The following VOPP1 variants were observed in gnomAD, a reference collection of about 807,000 sequenced individuals.
The protein encoded by VOPP1 is VOPP1 WW domain binding protein.
VOPP1 carries 8 observed loss-of-function variants against 23.5 expected under a neutral mutation model. That is an observed-to-expected ratio of 0.34 (90% confidence interval 0.20 to 0.61). The LOEUF (loss-of-function observed/expected upper bound fraction) is 0.61, where lower values mean the gene tolerates loss of function less well. Among genes scored for constraint, VOPP1 ranks in the 20% least tolerant of loss-of-function variants. The pLI, the probability that VOPP1 is intolerant of heterozygous loss-of-function variation, is 0.78. For missense variants in VOPP1, 174 were observed against 238.1 expected (o/e 0.73, Z 1.77); for synonymous variants, 83 against 97.3 (o/e 0.85, Z 0.86).
Position 55,525,367 on chromosome 7 carries a change from T to C in VOPP1, c.55-4237A>G, listed in dbSNP as rs993942419. ...AGCCGGGCGTGGTGGTGGGCGCCTG[T>C]AGTCCCAGCTACTCAGGAGACTGAG... On this transcript the variant is annotated intron_variant, in intron 1 of 4. Transcript: ENST00000285279. 2.2e-4 allele frequency among the ~76,000 whole-genome samples: 33 copies of C among 151,984 alleles called. No individual in the cohort carries two copies. In the East Asian group the frequency reaches 5.3e-3, roughly 24 times the overall value.
chr7:55,456,032 G>A (rs572626900), intron 4 of VOPP1, among the ~76,000 whole-genome samples: 2 of 152,070 alleles, frequency 1.3e-5, no homozygotes, highest in South Asian at 4.2e-4. Flanking sequence ...CAGAACGGGA[G>A]AAAATTTTTA....
At chr7:55,492,131 G>T in intron 4 of VOPP1, 151 bp downstream of exon 4, 1 of 1,129,828 alleles carries the variant, frequency 8.9e-7, no homozygotes, top group Non-Finnish European at 1.2e-6. Flanking sequence ...CTGCACAAAT[G>T]CACAATGGAG....
intron 4 of VOPP1, among the ~76,000 whole-genome samples, chr7:55,436,653 T>C (rs964029336): frequency 1.4e-5 from 2 of 140,104 alleles, no homozygotes; most frequent in South Asian, 2.2e-4. Context: ...TGCGTGGGTG[T>C]GTGTGCGTGT....
chr7:55,504,177 A>G lies in VOPP1; in HGVS notation c.114-6487T>C, dbSNP rs1367391508. Among the ~76,000 whole-genome samples the G allele has an allele frequency of 5.3e-5, 8 of 152,076 alleles. No individual in the cohort carries two copies. The South Asian group carries it at 1.7e-3, about 32-fold the overall frequency. ...TCTCCCATCCAGTCCCAGTCTCTCA[A>G]TTTGACAGCTGGTCTGTTCTCCTCA... On this transcript the variant is annotated intron_variant, in intron 2 of 4. Coordinates refer to ENST00000285279, the MANE Select transcript of VOPP1 (RefSeq NM_030796.5).
chr7:55,450,399 C>T (rs1380640656), intron 4 of VOPP1, among the ~76,000 whole-genome samples: 1 of 152,176 alleles, frequency 6.6e-6, no homozygotes, highest in African/African-American at 2.4e-5. Context: ...TGGTTCTGCA[C>T]TGTCCAGTAA....
intron 2 of VOPP1, among the ~76,000 whole-genome samples, chr7:55,503,483 T>C (rs1468020230): frequency 6.6e-6 from 1 of 152,192 alleles, no homozygotes; most frequent in African/African-American, 2.4e-5. Context: ...ATGTTCAGTG[T>C]TAGTAAAGTC....
intron 1 of VOPP1, among the ~76,000 whole-genome samples, chr7:55,525,219 G>A (rs768900961): frequency 3.3e-5 from 5 of 151,998 alleles, no homozygotes; most frequent in Non-Finnish European, 7.4e-5. Flanking sequence ...GGCCGGGCGC[G>A]GTGGCTCAAG....
intron 4 of VOPP1, among the ~76,000 whole-genome samples, chr7:55,442,855 GC>G (rs1399210281): frequency 1.3e-5 from 2 of 152,198 alleles, no homozygotes; most frequent in Non-Finnish European, 2.9e-5. Context: ...GGTGGCTCAT[GC>G]CTGTAATCCC....
intron 2 of VOPP1, among the ~76,000 whole-genome samples, chr7:55,514,512 C>T (rs1202729288): frequency 2.6e-5 from 4 of 152,188 alleles, no homozygotes; most frequent in African/African-American, 7.2e-5. Flanking sequence ...CTCCTTAGGC[C>T]ACCATTTGTC....
At chr7:55,542,113 A>T (rs762997954) in intron 1 of VOPP1, among the ~76,000 whole-genome samples, 5 of 152,060 alleles carry the variant, frequency 3.3e-5, no homozygotes, top group Admixed American at 3.3e-4. Context: ...TCCAGCATGT[A>T]TTTTTTTTAA....
chr7:55,559,079 C>T (rs1051921528), intron 1 of VOPP1, among the ~76,000 whole-genome samples: 1 of 152,128 alleles, frequency 6.6e-6, no homozygotes, highest in Non-Finnish European at 1.5e-5. Context: ...TGGATAGTAA[C>T]GGTTTTTTAG....
chr7:55,502,159 G>A (rs1794414210), intron 2 of VOPP1, among the ~76,000 whole-genome samples: 1 of 152,244 alleles, frequency 6.6e-6, no homozygotes, highest in Non-Finnish European at 1.5e-5. Context: ...TATTTCCCAT[G>A]CTGGAGAGAG....
intron 4 of VOPP1, among the ~76,000 whole-genome samples, chr7:55,473,551 T>C (rs191856533): frequency 1.4e-4 from 22 of 152,248 alleles, no homozygotes; most frequent in African/African-American, 3.6e-4. Context: ...CTGCAGCTGA[T>C]TGACGCTCCA....
At chr7:55,480,609 C>G (rs1792632464) in intron 4 of VOPP1, among the ~76,000 whole-genome samples, 1 of 152,156 alleles carries the variant, frequency 6.6e-6, no homozygotes, top group Non-Finnish European at 1.5e-5. Context: ...CTTAATTTTA[C>G]CCACTCTTTA....
intron 1 of VOPP1, among the ~76,000 whole-genome samples, chr7:55,525,086 C>T (rs1584027794): frequency 6.6e-6 from 1 of 152,128 alleles, no homozygotes; most frequent in East Asian, 1.9e-4. Flanking sequence ...CAAAGGGGAA[C>T]CCACAGGGAA....
At chr7:55,464,622 T>C (rs1391658895) in intron 4 of VOPP1, among the ~76,000 whole-genome samples, 4 of 152,196 alleles carry the variant, frequency 2.6e-5, no homozygotes, top group African/African-American at 7.2e-5. Context: ...GAATACTGTA[T>C]GAGTCAGAGT....
intron 1 of VOPP1, among the ~76,000 whole-genome samples, chr7:55,542,822 A>G (rs761962719): frequency 2.6e-5 from 4 of 151,536 alleles, no homozygotes; most frequent in Non-Finnish European, 4.4e-5. Flanking sequence ...AACAGGCAAT[A>G]TTTGTTTTTC....
At chr7:55,539,742 G>C (rs1797026772) in intron 1 of VOPP1, 1 of 152,186 alleles carries the variant, frequency 6.6e-6, no homozygotes. Flanking sequence ...GCGTGGACCT[G>C]GGACAGAGGT....
intron 1 of VOPP1, among the ~76,000 whole-genome samples, chr7:55,541,873 G>C (rs570556233): frequency 2.0e-5 from 3 of 152,318 alleles, no homozygotes; most frequent in East Asian, 1.9e-4. Context: ...TTTAGAGACA[G>C]AGAGTAGATT....
Sources: allele counts gnomAD v4.1 joint callset (sites outside exome capture counted in the v4.1 genomes callset), GRCh38; gene constraint gnomAD v4.1.1; transcripts MANE v1.5; gene names NCBI Gene and HGNC (gene_info 2026-07-23, HGNC 2026-07-21).